The following SGSM1 variants were observed in gnomAD, a reference collection of about 807,000 sequenced individuals.
SGSM1 encodes the protein RUN and TBC1 domain containing 2.
In SGSM1, 73 loss-of-function variants were observed where a neutral mutation model predicts 133.8. The ratio of observed to expected loss-of-function variants is 0.55; its 90% CI spans 0.45 to 0.66. The LOEUF (loss-of-function observed/expected upper bound fraction) is 0.66. Ranked by LOEUF, SGSM1 falls within the 30% of genes least tolerant of loss-of-function variation. The pLI is 0.00. For missense variants in SGSM1, 1,213 were observed against 1,448.1 expected, an observed-to-expected ratio of 0.84 and a Z score of 2.64; for synonymous variants, 563 against 573.0, an observed-to-expected ratio of 0.98 and a Z score of 0.25.
intron 22 of SGSM1, among the ~76,000 whole-genome samples, chr22:24,914,136 C>CA (rs550305318): frequency 2.6e-5 from 4 of 151,684 alleles, no homozygotes; most frequent in Non-Finnish European, 5.9e-5. Context: ...TAAAAAAATA[C>CA]AAAAAAATTA....
intron 16 of SGSM1, among the ~76,000 whole-genome samples, chr22:24,890,434 A>G (rs1932795542): frequency 6.7e-6 from 1 of 149,788 alleles, no homozygotes. Context: ...AACTAAAGTA[A>G]GTACACTGTC....
Position 24,851,701 on chromosome 22 carries a change from G to A in SGSM1, c.455+1269G>A, listed in dbSNP as rs924003056. On this transcript the variant is annotated intron_variant, in intron 5 of 24. Coordinates refer to ENST00000400358, the MANE Select transcript of SGSM1 (RefSeq NM_001098497.3). ...AATACCTGATGGATGTTCCAAGGGG[G>A]CGTGGTGGCGTTGATAATTTTCTCC... 2.0e-5 allele frequency among the ~76,000 whole-genome samples: 3 copies of A among 152,332 alleles called. No individual in the cohort carries two copies. The South Asian group carries it at 6.2e-4, about 32-fold the overall frequency.
chr22:24,923,653 G>A (rs1293551020), intron 24 of SGSM1, among the ~76,000 whole-genome samples: 2 of 151,658 alleles, frequency 1.3e-5, no homozygotes, highest in Admixed American at 6.6e-5. Context: ...ACGGAGTTTC[G>A]CTCTTGTTGC....
chr22:24,814,976 G>A (rs1927981735), intron 2 of SGSM1, among the ~76,000 whole-genome samples: 1 of 152,204 alleles, frequency 6.6e-6, no homozygotes, highest in Non-Finnish European at 1.5e-5. Flanking sequence ...AGAGTCCCTG[G>A]TGACTTTCCT....
chr22:24,855,173 C>T (rs1195473058), intron 6 of SGSM1, 110 bp downstream of exon 6: 5 of 1,549,022 alleles, frequency 3.2e-6, no homozygotes, highest in East Asian at 4.8e-5. Context: ...GGAAATGCAG[C>T]ACTGTTCTAG....
chr22:24,924,292 C>G lies in SGSM1; in HGVS notation c.*18C>G. ...ACAAGTGAGGGGCACCTCACCCCGG[C>G]AGCCTCAGCCAAGCTGCCCCTGCCC... On this transcript the variant is annotated 3_prime_UTR_variant, in exon 25 of 25. Coordinates refer to ENST00000400358, the MANE Select transcript of SGSM1 (RefSeq NM_001098497.3). The G allele has an allele frequency of 6.2e-7, 1 of 1,610,024 alleles. No homozygotes were observed. The highest frequency in any genetic ancestry group is 1.7e-5 in the Admixed American group (1 of 59,982).
At chr22:24,834,770 T>G (rs1005129504) in intron 2 of SGSM1, among the ~76,000 whole-genome samples, 1 of 151,896 alleles carries the variant, frequency 6.6e-6, no homozygotes, top group Non-Finnish European at 1.5e-5. Context: ...TTTTTTTTTT[T>G]TTTATTGTGA....
chr22:24,919,695 C>T (rs1933938647), intron 23 of SGSM1, 131 bp from the exon 24 acceptor site: 2 of 900,958 alleles, frequency 2.2e-6, no homozygotes, highest in Admixed American at 2.4e-5. Flanking sequence ...GAGTTCTATC[C>T]ACTGCACCAG....
chr22:24,901,939 T>C lies in SGSM1; in HGVS notation c.2717T>C (p.Leu906Pro). The C allele has an allele frequency of 1.4e-6, 2 of 1,399,050 alleles. No homozygotes were observed. Among genetic ancestry groups the C allele is most frequent in the Non-Finnish European group, 1.9e-6 (2 of 1,055,552 alleles). The allele number at this position is 1,399,050 out of a possible 1,614,324, so 86.7% of individuals were successfully genotyped here. A position where few individuals can be genotyped will look rare whatever the true frequency, so the allele number is the denominator to read the frequency against. ...WYFTPANLEK[L>P]RNIMCSYIWQ... ...TTCACGCCCGCCAACTTGGAGAAGC[T>C]GCGTAACATCATGTGCAGGTGGCTG... is the stretch of plus-strand genomic sequence containing the variant. Residue 906 changes from leucine (L) to proline (P), a missense_variant, in exon 20 of 25, where the codon CTG (leucine) becomes CCG (proline). Transcript: ENST00000400358.
At chr22:24,841,873 G>A (rs1929826682) in intron 2 of SGSM1, among the ~76,000 whole-genome samples, 1 of 144,364 alleles carries the variant, frequency 6.9e-6, no homozygotes, top group African/African-American at 2.4e-5. Context: ...TTGTCCTAAG[G>A]GGGTAAAGGA....
rs532009679 is a variant in SGSM1, at chr22:24,886,694, A to G, written c.1736A>G (p.Tyr579Cys). Residue 579 changes from tyrosine to cysteine, a missense_variant, in exon 16 of 25, where the codon TAC (tyrosine) becomes TGC (cysteine). By Grantham distance (194) the Tyr-to-Cys change is radical (BLOSUM62 -2). Coordinates refer to ENST00000400358, the MANE Select transcript of SGSM1 (RefSeq NM_001098497.3). ...GTGTGGCCCTTCCTCCTGGGCCACT[A>G]CCAGTTCGGGATGACGGAAACAGAA... ...KAVWPFLLGH[Y>C]QFGMTETERK... The G allele has an allele frequency of 6.3e-7, 1 of 1,580,012 alleles. No individual in the cohort carries two copies. The highest frequency in any genetic ancestry group is 1.2e-5 in the South Asian group (1 of 85,842).
Position 24,854,635 on chromosome 22 carries a change from G to T in SGSM1, c.456-361G>T, listed in dbSNP as rs188734258. ...AAGACCAGCCTGGGCAACATAATGA[G>T]ACCCTATATCTACCAAAAATTTAAA... On this transcript the variant is annotated intron_variant, in intron 5 of 24. Transcript: ENST00000400358. Among the ~76,000 whole-genome samples the T allele has an allele frequency of 1.4e-3, 206 of 152,208 alleles. 2 individuals carry two copies. Among genetic ancestry groups the T allele is most frequent in the Non-Finnish European group, 1.9e-3 (130 of 68,010 alleles).
intron 8 of SGSM1, among the ~76,000 whole-genome samples, chr22:24,858,104 G>A (rs895402138): frequency 6.6e-6 from 1 of 152,120 alleles, no homozygotes; most frequent in Non-Finnish European, 1.5e-5. Context: ...AGCTTCCTGA[G>A]TAGCTAGGAC....
chr22:24,884,799 C>G (rs1212586068), intron 15 of SGSM1, among the ~76,000 whole-genome samples: 7 of 152,178 alleles, frequency 4.6e-5, no homozygotes, highest in Non-Finnish European at 7.3e-5. Context: ...ACTGCAAAAC[C>G]TTTGCCTGAA....
intron 24 of SGSM1, among the ~76,000 whole-genome samples, chr22:24,922,179 C>CTTTTT (rs140795501): frequency 7.6e-3 from 811 of 106,812 alleles, no homozygotes; most frequent in Non-Finnish European, 9.3e-3. Context: ...CACTTACTTT[C>CTTTTT]TTTTTTTTTT....
Position 24,925,591 on chromosome 22 carries a change from G to A in SGSM1, c.*1317G>A, listed in dbSNP as rs1934172966. 1 of 152,220 alleles carries A rather than the reference G, an allele frequency of 6.6e-6. No homozygotes were observed. The highest frequency in any genetic ancestry group is 2.4e-5 in the African/African-American group (1 of 41,434). The allele number at this position is 152,220 out of a possible 1,614,324, so 9.4% of individuals were successfully genotyped here. On this transcript the variant is annotated 3_prime_UTR_variant, in exon 25 of 25. Transcript: ENST00000400358. ...GAGTCCCCCAGGCAGGGCAGAGTCT[G>A]TATCCTGCTGCCATCTTGCAAGGGA...
Position 24,922,357 on chromosome 22 carries a change from T to A in SGSM1, c.3194-1829T>A, listed in dbSNP as rs142478077. Reference sequence around the variant, plus strand: ...CACCACACCTGGCTAATTTTTTGTATTTTTAGTAGAGATGGGGTTTCACCG... The same window carrying A: ...CACCACACCTGGCTAATTTTTTGTAATTTTAGTAGAGATGGGGTTTCACCG... On this transcript the variant is annotated intron_variant, in intron 24 of 24. Coordinates refer to ENST00000400358, the MANE Select transcript of SGSM1 (RefSeq NM_001098497.3). 8.0e-3 allele frequency among the ~76,000 whole-genome samples: 1,209 copies of A among 151,982 alleles called. 17 individuals are homozygous for A. The highest frequency in any genetic ancestry group is 0.028 in the African/African-American group (1,149 of 41,448).
intron 21 of SGSM1, among the ~76,000 whole-genome samples, chr22:24,909,451 T>TTTATTA (rs150425856): frequency 3.4e-4 from 51 of 150,780 alleles, no homozygotes; most frequent in African/African-American, 1.1e-3. Flanking sequence ...TATTTATTTA[T>TTTATTA]TTATTATTAT....
intron 12 of SGSM1, among the ~76,000 whole-genome samples, chr22:24,869,894 G>A (rs1416475748): frequency 6.6e-6 from 1 of 152,244 alleles, no homozygotes; most frequent in East Asian, 1.9e-4. Context: ...GATTTGAAAA[G>A]TACTTAGAAG....
Sources: allele counts gnomAD v4.1 joint callset (sites outside exome capture counted in the v4.1 genomes callset), GRCh38; gene constraint gnomAD v4.1.1; transcripts MANE v1.5; gene names NCBI Gene and HGNC (gene_info 2026-07-23, HGNC 2026-07-21).